NUFIP1: variants seen among roughly 807,000 people sequenced by gnomAD.
NUFIP1 encodes nuclear FMR1 interacting protein 1, also known as FMR1-interacting protein NUFIP1.
In NUFIP1, 38 loss-of-function variants were observed where a neutral mutation model predicts 56.2. That is an observed-to-expected ratio of 0.68 (90% CI 0.52 to 0.89). The LOEUF (loss-of-function observed/expected upper bound fraction) is 0.89. Among genes scored for constraint, NUFIP1 ranks in the 40% least tolerant of loss-of-function variants. The probability of loss-of-function intolerance (pLI) is 0.00; values close to 1 mark genes in which losing one functional copy is unlikely to be tolerated. For synonymous variants in NUFIP1, 215 were observed against 212.4 expected, an observed-to-expected ratio of 1.01 and a Z score of -0.10; for missense variants, 567 against 605.8, an observed-to-expected ratio of 0.94 and a Z score of 0.67.
chr13:44,971,632 G>A (rs755349078), intron 5 of NUFIP1, among the ~76,000 whole-genome samples: 12 of 152,044 alleles, frequency 7.9e-5, no homozygotes, highest in Non-Finnish European at 1.6e-4. Flanking sequence ...CACTGCCACT[G>A]AAGGTGGTCA....
At chr13:44,983,271 G>A (rs1170826062) in intron 1 of NUFIP1, among the ~76,000 whole-genome samples, 1 of 152,126 alleles carries the variant, frequency 6.6e-6, no homozygotes, top group African/African-American at 2.4e-5. Context: ...TGCTTCCCAG[G>A]TTCAAGCGAT....
chr13:44,943,486 T>G lies in NUFIP1; in HGVS notation c.1327A>C (p.Thr443Pro), dbSNP rs115512765. ...KRKKDYHNYQ[T>P]LFEPRTHHPY... is the part of the protein sequence containing the mutation. The stretch of plus-strand genomic sequence containing the variant: ...TGGTGTGTTCTTGGTTCGAATAACG[T>G]TTGATAGTTGTGATAATCTTTTTTC... The change falls in exon 9 of 10, where the codon ACG becomes CCG. Residue 443 changes from threonine (T) to proline (P), a missense_variant. Transcript: ENST00000379161. The G allele has an allele frequency of 6.2e-7, 1 of 1,614,128 alleles. No homozygotes were observed. Among genetic ancestry groups the G allele is most frequent in the East Asian group, 2.2e-5 (1 of 44,870 alleles).
rs528037787 is a variant in NUFIP1, at chr13:44,960,604, C to T, written c.828-1030G>A. 2.9e-4 allele frequency among the ~76,000 whole-genome samples: 44 copies of T among 152,214 alleles called. No homozygotes were observed. The South Asian group carries it at 2.9e-3, about 10-fold the overall frequency. ...TTTTAAGGAGTTAAAGTTTCTGAAGCATTTACAAATATGACTTGTTGGACC... is the reference window on the plus strand; with the variant it reads ...TTTTAAGGAGTTAAAGTTTCTGAAGTATTTACAAATATGACTTGTTGGACC... On this transcript the variant is annotated intron_variant, in intron 6 of 9. Coordinates refer to ENST00000379161, the MANE Select transcript of NUFIP1 (RefSeq NM_012345.3).
chr13:44,986,072 T>C (rs1349771396), intron 1 of NUFIP1, among the ~76,000 whole-genome samples: 3 of 152,094 alleles, frequency 2.0e-5, no homozygotes, highest in South Asian at 4.1e-4. Flanking sequence ...CCTCCTGCTC[T>C]GCCCTCCTGA....
intron 7 of NUFIP1, among the ~76,000 whole-genome samples, chr13:44,958,712 C>A (rs1371086748): frequency 1.3e-5 from 2 of 152,130 alleles, no homozygotes; most frequent in African/African-American, 4.8e-5. Flanking sequence ...TTAGATAAAG[C>A]CTCACAATGT....
intron 7 of NUFIP1, among the ~76,000 whole-genome samples, chr13:44,955,412 G>T (rs1035179700): frequency 6.6e-6 from 1 of 152,172 alleles, no homozygotes; most frequent in Non-Finnish European, 1.5e-5. Context: ...TTCCAAGCAT[G>T]ATCTGAAAGT....
At chr13:44,942,068 C>T (rs555305914) in intron 9 of NUFIP1, among the ~76,000 whole-genome samples, 6 of 152,196 alleles carry the variant, frequency 3.9e-5, no homozygotes, top group South Asian at 4.1e-4. Context: ...CCACCATGCC[C>T]GGCTAAAAAG....
chr13:44,969,135 G>T (rs1447109796), intron 5 of NUFIP1, among the ~76,000 whole-genome samples: 1 of 151,874 alleles, frequency 6.6e-6, no homozygotes, highest in Non-Finnish European at 1.5e-5. Flanking sequence ...TATTTTTCTT[G>T]GTGCTGAAAT....
intron 6 of NUFIP1, among the ~76,000 whole-genome samples, chr13:44,963,256 C>A (rs1002839397): frequency 6.6e-6 from 1 of 152,154 alleles, no homozygotes; most frequent in Non-Finnish European, 1.5e-5. Context: ...AGTGTAGAAT[C>A]TTGCACATCT....
At chr13:44,971,145 GAAAC>G (rs987221702) in intron 5 of NUFIP1, among the ~76,000 whole-genome samples, 2 of 152,000 alleles carry the variant, frequency 1.3e-5, no homozygotes, top group African/African-American at 4.8e-5. Context: ...AAGAACCTGA[GAAAC>G]AAACTATGGA....
At chr13:44,980,680 C>T (rs769877363) in intron 3 of NUFIP1, 42 bp downstream of exon 3, 22 of 1,258,036 alleles carry the variant, frequency 1.7e-5, no homozygotes, top group Admixed American at 1.4e-4. Flanking sequence ...ATAGAAGAAG[C>T]ACAATTGCTA....
intron 7 of NUFIP1, among the ~76,000 whole-genome samples, chr13:44,958,865 T>C (rs935960387): frequency 6.6e-6 from 1 of 152,232 alleles, no homozygotes. Flanking sequence ...GCAAGTTAAC[T>C]TGCCCTATAT....
chr13:44,957,126 C>T (rs953090399), intron 7 of NUFIP1, among the ~76,000 whole-genome samples: 6 of 152,122 alleles, frequency 3.9e-5, no homozygotes, highest in Middle Eastern at 3.2e-3. Flanking sequence ...CTTTGACACT[C>T]GAAATAGGCA....
intron 5 of NUFIP1, among the ~76,000 whole-genome samples, chr13:44,972,541 A>G (rs1871841407): frequency 6.6e-6 from 1 of 152,224 alleles, no homozygotes; most frequent in Non-Finnish European, 1.5e-5. Flanking sequence ...CCAGGTGAAG[A>G]AACACTGTTC....
At chr13:44,941,574 C>T (rs1383872962) in intron 9 of NUFIP1, among the ~76,000 whole-genome samples, 3 of 152,172 alleles carry the variant, frequency 2.0e-5, no homozygotes, top group South Asian at 4.1e-4. Context: ...AGTGCAGTGG[C>T]GGGATCTCAG....
chr13:44,988,952 A>T (rs1275076514), intron 1 of NUFIP1, 73 bp downstream of exon 1: 3 of 1,467,424 alleles, frequency 2.0e-6, no homozygotes, highest in Non-Finnish European at 1.9e-6. Context: ...TAGAGAGAGG[A>T]AGCAGAGAAA....
In NUFIP1 at chr13:44,989,134, A is replaced by C. The variant is rs772858916; in HGVS notation, c.303T>G (p.Ser101=). The C allele has an allele frequency of 1.2e-6, 2 of 1,614,130 alleles. No homozygotes were observed. The highest frequency in any genetic ancestry group is 2.2e-5 in the South Asian group (2 of 91,066). The change falls in exon 1 of 10, where the codon TCT becomes TCG. Residue 101 remains serine (S), a synonymous_variant. Coordinates refer to ENST00000379161, the MANE Select transcript of NUFIP1 (RefSeq NM_012345.3). The part of the protein sequence containing the change: ...PPFDAQSPLD[S]QPQPSGQPWN... Reference sequence around the variant, plus strand: ...AAGGCTGGCCGCTGGGTTGAGGCTGAGAATCAAGGGGAGACTGGGCGTCGA... The same window carrying C: ...AAGGCTGGCCGCTGGGTTGAGGCTGCGAATCAAGGGGAGACTGGGCGTCGA...
At chr13:44,968,144 T>C (rs907061665) in intron 5 of NUFIP1, among the ~76,000 whole-genome samples, 7 of 151,666 alleles carry the variant, frequency 4.6e-5, no homozygotes, top group Middle Eastern at 3.4e-3. Flanking sequence ...TCAAGAAAAA[T>C]AGACTCCATA....
intron 6 of NUFIP1, among the ~76,000 whole-genome samples, chr13:44,961,537 G>T (rs1481365121): frequency 2.6e-5 from 4 of 152,174 alleles, no homozygotes; most frequent in Non-Finnish European, 5.9e-5. Context: ...GCAATCCAGA[G>T]ATTTTTAATC....
Sources: allele counts gnomAD v4.1 joint callset (sites outside exome capture counted in the v4.1 genomes callset), GRCh38; gene constraint gnomAD v4.1.1; transcripts MANE v1.5; gene names NCBI Gene and HGNC (gene_info 2026-07-23, HGNC 2026-07-21).